Variants in MANSC1 observed in about 807,000 individuals in gnomAD.
The protein encoded by MANSC1 is MANSC domain containing 1, also known as MANSC domain-containing protein 1.
A neutral mutation model predicts 14.1 loss-of-function variants in MANSC1; 13 were observed. The observed-to-expected ratio is 0.92, with a 90% CI of 0.60 to 1.46. The LOEUF (loss-of-function observed/expected upper bound fraction) is 1.46, where lower values mean the gene tolerates loss of function less well. MANSC1 is among the 40% of genes most tolerant of loss of function. The pLI is 0.00. For synonymous variants in MANSC1, 227 were observed against 200.7 expected (o/e 1.13, Z -1.11); for missense variants, 486 against 511.4 (o/e 0.95, Z 0.48).
At chr12:12,339,272 A>AT (rs1278973234) in intron 2 of MANSC1, 1 of 152,006 alleles carries the variant, frequency 6.6e-6, no homozygotes, top group Non-Finnish European at 1.5e-5. Context: ...TTTATTTTTT[A>AT]TTTTTTGAGA....
rs1862727753 is a variant in MANSC1, at chr12:12,327,950, T to C, written c.*2077A>G. On this transcript the variant is annotated 3_prime_UTR_variant, in exon 4 of 4. Transcript: ENST00000535902. ...GAGAAGAAAAGCCTTTTCTGTCATT[T>C]CCTGCATTTGTCTTAATTGCTGTAC... The C allele has an allele frequency of 2.0e-5, 3 of 152,242 alleles. No individual in the cohort carries two copies. The highest frequency in any genetic ancestry group is 1.3e-4 in the Admixed American group (2 of 15,268). 9.4% of individuals were successfully genotyped at this position (152,242 alleles called of 1,614,324 possible).
chr12:12,347,638 A>T (rs1258347309), intron 1 of MANSC1, among the ~76,000 whole-genome samples: 8 of 152,270 alleles, frequency 5.3e-5, no homozygotes, highest in Non-Finnish European at 1.2e-4. Flanking sequence ...ACAAATAAGC[A>T]TATGAAAAGG....
chr12:12,333,544 G>A (rs1862819825), intron 3 of MANSC1, among the ~76,000 whole-genome samples: 1 of 152,088 alleles, frequency 6.6e-6, no homozygotes. Context: ...GTTGGCAGAG[G>A]TCCTAGAACC....
chr12:12,329,930 A>C lies in MANSC1; in HGVS notation c.*97T>G, dbSNP rs1286427871. The C allele has an allele frequency of 9.3e-7, 1 of 1,074,464 alleles. No individual in the cohort carries two copies. Among genetic ancestry groups the C allele is most frequent in the Non-Finnish European group, 1.3e-6 (1 of 757,708 alleles). 66.6% of individuals were successfully genotyped at this position (1,074,464 alleles called of 1,614,324 possible). ...CAGAAGGGGGCATTTTCCTGTCTTC[A>C]AAATACAACCTCCTGCTAAGACTAG... is the stretch of plus-strand genomic sequence containing the variant. On this transcript the variant is annotated 3_prime_UTR_variant, in exon 4 of 4. Coordinates refer to ENST00000535902, the MANE Select transcript of MANSC1 (RefSeq NM_018050.4).
intron 3 of MANSC1, among the ~76,000 whole-genome samples, chr12:12,337,618 T>C (rs1337362710): frequency 6.6e-6 from 1 of 152,150 alleles, no homozygotes; most frequent in African/African-American, 2.4e-5. Flanking sequence ...TCTGTAATTC[T>C]GATTTTATGC....
rs375298595 is a variant in MANSC1, at chr12:12,330,831, G to T, written c.492C>A (p.Thr164=). The change falls in exon 4 of 4, where the codon ACC becomes ACA. Residue 164 remains threonine, a synonymous_variant. Transcript: ENST00000535902. Reference sequence around the variant, plus strand: ...AAAGTGTGTCTCTCCATGAGATATCGGTGGGCTTTGAATAATCTGTGTGAT... The same window carrying T: ...AAAGTGTGTCTCTCCATGAGATATCTGTGGGCTTTGAATAATCTGTGTGAT... The part of the protein sequence containing the change: ...AHHHTDYSKP[T]DISWRDTLSQ... The T allele has an allele frequency of 1.2e-6, 2 of 1,613,966 alleles. No homozygotes were observed. Among genetic ancestry groups the T allele is most frequent in the African/African-American group, 1.3e-5 (1 of 74,910 alleles).
chr12:12,349,895 C>T (rs933671003), intron 1 of MANSC1, among the ~76,000 whole-genome samples, 183 bp downstream of exon 1: 1 of 152,218 alleles, frequency 6.6e-6, no homozygotes, highest in Non-Finnish European at 1.5e-5. Flanking sequence ...CTAGAGGTCC[C>T]CTTTGGAATA....
At position 12,327,872 on chromosome 12, in the gene MANSC1, C is replaced by T. The variant is rs912231817; in HGVS notation, c.*2155G>A. On this transcript the variant is annotated 3_prime_UTR_variant, in exon 4 of 4. Transcript: ENST00000535902. ...AAACCAGGGAAATGGGGGAGGGGTA[C>T]CAGAAGAGCAGAGGGGAAGGAGGTG... 1.3e-5 allele frequency: 2 copies of T among 151,916 alleles called. No homozygotes were observed. The highest frequency in any genetic ancestry group is 4.8e-5 in the African/African-American group (2 of 41,254). 9.4% of individuals were successfully genotyped at this position (151,916 alleles called of 1,614,324 possible).
chr12:12,342,441 C>T (rs1193036021), intron 2 of MANSC1, among the ~76,000 whole-genome samples: 1 of 152,114 alleles, frequency 6.6e-6, no homozygotes, highest in African/African-American at 2.4e-5. Context: ...AGTACAAATA[C>T]TTAAATCCTA....
intron 2 of MANSC1, among the ~76,000 whole-genome samples, chr12:12,340,603 G>A (rs1008567948): frequency 1.3e-5 from 2 of 152,084 alleles, no homozygotes; most frequent in Admixed American, 6.5e-5. Context: ...TTGAACCCTC[G>A]GTGGTTAAAC....
At chr12:12,338,061 G>A (rs564282611) in intron 3 of MANSC1, among the ~76,000 whole-genome samples, 1 of 152,258 alleles carries the variant, frequency 6.6e-6, no homozygotes, top group South Asian at 2.1e-4. Flanking sequence ...AAATATACTA[G>A]AACTTTCTAT....
At chr12:12,337,013 G>A (rs922237198) in intron 3 of MANSC1, among the ~76,000 whole-genome samples, 7 of 152,174 alleles carry the variant, frequency 4.6e-5, no homozygotes, top group East Asian at 1.9e-4. Flanking sequence ...GCTCACGCCT[G>A]TAATCCCAGC....
At chr12:12,343,045 G>T in intron 2 of MANSC1, 47 bp downstream of exon 2, 1 of 1,372,820 alleles carries the variant, frequency 7.3e-7, no homozygotes, top group Non-Finnish European at 1.0e-6. Flanking sequence ...AGCTCCTGAA[G>T]CCACAAAACA....
At position 12,329,686 on chromosome 12, in the gene MANSC1, C is replaced by T. The variant is rs971555495; in HGVS notation, c.*341G>A. 2 of 189,448 alleles carry T rather than the reference C, an allele frequency of 1.1e-5. No individual in the cohort carries two copies. Among genetic ancestry groups the T allele is most frequent in the Admixed American group, 5.5e-5 (1 of 18,318 alleles). The allele number at this position is 189,448 out of a possible 1,614,324, so 11.7% of individuals were successfully genotyped here. A position where few individuals can be genotyped will look rare whatever the true frequency, so the allele number is the denominator to read the frequency against. On this transcript the variant is annotated 3_prime_UTR_variant, in exon 4 of 4. Transcript: ENST00000535902. ...GGATCACTAGGTCAGGAGTTTGAGA[C>T]CAGCCTGACCAACATGGTGAAACCC... is the stretch of plus-strand genomic sequence containing the variant.
rs1244823497 is a variant in MANSC1 at position 12,329,910 on chromosome 12, G to A, written c.*117C>T. Reference sequence around the variant, plus strand: ...CCAAAAAAAAAAAAGGAAAGCAGAAGGGGGCATTTTCCTGTCTTCAAAATA... The same window carrying A: ...CCAAAAAAAAAAAAGGAAAGCAGAAAGGGGCATTTTCCTGTCTTCAAAATA... On this transcript the variant is annotated 3_prime_UTR_variant, in exon 4 of 4. Coordinates refer to ENST00000535902, the MANE Select transcript of MANSC1 (RefSeq NM_018050.4). 4 of 820,026 alleles carry A rather than the reference G, an allele frequency of 4.9e-6. No homozygotes were observed. The East Asian group carries it at 1.1e-4, about 22-fold the overall frequency. The allele number at this position is 820,026 out of a possible 1,614,324, so 50.8% of individuals were successfully genotyped here. A position where few individuals can be genotyped will look rare whatever the true frequency, so the allele number is the denominator to read the frequency against.
intron 3 of MANSC1, among the ~76,000 whole-genome samples, chr12:12,334,802 A>G (rs1210533191): frequency 6.6e-6 from 1 of 152,142 alleles, no homozygotes; most frequent in Admixed American, 6.5e-5. Flanking sequence ...TCCTAACAAC[A>G]ATTATTTACA....
At chr12:12,339,028 C>T in intron 2 of MANSC1, 1 of 178,492 alleles carries the variant, frequency 5.6e-6, no homozygotes, top group South Asian at 1.1e-4. Context: ...ACTCTGCCAT[C>T]ATCAAGCCCT....
At chr12:12,334,820 C>T (rs1488159975) in intron 3 of MANSC1, among the ~76,000 whole-genome samples, 1 of 152,214 alleles carries the variant, frequency 6.6e-6, no homozygotes, top group African/African-American at 2.4e-5. Context: ...ACACAATACT[C>T]TGTGCTTCAC....
In MANSC1 at chr12:12,343,218, T is replaced by C. The variant is rs1592036260; in HGVS notation, c.97A>G (p.Ser33Gly). The part of the protein sequence containing the change: ...LSASQNCLKK[S>G]LEDVVIDIQS... ...ATGTCAATGACAACATCTTCTAGAC[T>C]CTTTTTGAGGCAATTCTGACTAGCA... Residue 33 changes from serine to glycine, a missense_variant, in exon 2 of 4, where the codon AGT becomes GGT. By Grantham distance (56) the Ser-to-Gly change is moderately conservative (BLOSUM62 0). Transcript: ENST00000535902. 6.2e-7 allele frequency: 1 copy of C among 1,614,072 alleles called. No individual in the cohort carries two copies. The highest frequency in any genetic ancestry group is 2.2e-5 in the East Asian group (1 of 44,880).
Sources: gnomAD v4.1 joint callset for allele counts (sites outside exome capture counted in the v4.1 genomes callset) on GRCh38, gnomAD v4.1.1 for gene constraint, MANE v1.5 for transcripts, NCBI Gene and HGNC (gene_info 2026-07-23, HGNC 2026-07-21) for gene names.